VIRMA: variants seen among roughly 807,000 people sequenced by gnomAD.
VIRMA encodes the protein vir like m6A methyltransferase associated, also known as protein virilizer homolog.
Under a neutral mutation model 182.4 loss-of-function variants are expected in VIRMA, and 65 were observed. The ratio of observed to expected loss-of-function variants is 0.36; its 90% CI spans 0.29 to 0.44. The LOEUF is 0.44. Ranked by LOEUF, VIRMA falls within the 20% of genes least tolerant of loss-of-function variation. The pLI is 1.00. For synonymous variants in VIRMA, 709 were observed against 743.1 expected (o/e 0.95, Z 0.75); for missense variants, 1,752 against 2,158.1 (o/e 0.81, Z 3.73).
At chr8:94,507,915 G>GTATATATATA (rs1814223065) in intron 15 of VIRMA, among the ~76,000 whole-genome samples, 2 of 76,400 alleles carry the variant, frequency 2.6e-5, no homozygotes, top group South Asian at 1.4e-3. Flanking sequence ...ATATATGTAT[G>GTATATATATA]TGTATATATG....
chr8:94,513,727 T>C (rs1814454341), intron 11 of VIRMA, among the ~76,000 whole-genome samples: 1 of 152,216 alleles, frequency 6.6e-6, no homozygotes, highest in African/African-American at 2.4e-5. Flanking sequence ...GAACATCTTG[T>C]TAATACTCAC....
At chr8:94,520,206 A>G (rs968781211) in intron 8 of VIRMA, among the ~76,000 whole-genome samples, 2 of 149,818 alleles carry the variant, frequency 1.3e-5, no homozygotes, top group African/African-American at 4.9e-5. Context: ...AAAAAAAAAA[A>G]AGCCTGGGCT....
chr8:94,506,649 A>C lies in VIRMA; in HGVS notation c.3948T>G (p.Ser1316=). 6.2e-7 allele frequency: 1 copy of C among 1,613,972 alleles called. No homozygotes were observed. Among genetic ancestry groups the C allele is most frequent in the South Asian group, 1.1e-5 (1 of 91,084 alleles). The change falls in exon 16 of 24, where the codon TCT becomes TCG. Residue 1316 remains serine, a synonymous_variant. Transcript: ENST00000297591. ...SISELEQLSN[S]LPNKELMTSI... is the part of the protein sequence containing the mutation. ...AGGTCATCAATTCTTTATTTGGTAGAGAATTGGAGAGCTGCTCCAGTTCAG... is the reference window on the plus strand; with the variant it reads ...AGGTCATCAATTCTTTATTTGGTAGCGAATTGGAGAGCTGCTCCAGTTCAG...
intron 1 of VIRMA, among the ~76,000 whole-genome samples, chr8:94,551,662 C>T (rs1815991606): frequency 6.6e-6 from 1 of 152,110 alleles, no homozygotes; most frequent in African/African-American, 2.4e-5. Flanking sequence ...TAATGAAGGC[C>T]AATTTTCCTA....
chr8:94,491,938 A>C, intron 21 of VIRMA, 29 bp from the exon 22 acceptor site: 1 of 1,470,162 alleles, frequency 6.8e-7, no homozygotes, highest in South Asian at 1.5e-5. Flanking sequence ...GCCATAAAAC[A>C]TTTTTCTTTC....
chr8:94,553,468 A>T lies in VIRMA; in HGVS notation c.-21T>A, dbSNP rs773470558. ...GCCATGTTTGCCGCGGGCGGGGAAC[A>T]GGGGGGAGGACTTCCGGGGCAGCGC... is the stretch of plus-strand genomic sequence containing the variant. On this transcript the variant is annotated 5_prime_UTR_variant, in exon 1 of 24. Coordinates refer to ENST00000297591, the MANE Select transcript of VIRMA (RefSeq NM_015496.5). 7 of 1,612,676 alleles carry T rather than the reference A, an allele frequency of 4.3e-6. No individual in the cohort carries two copies. In the Admixed American group the frequency reaches 1.2e-4, roughly 27 times the overall value.
chr8:94,507,620 T>G (rs1814204912), intron 15 of VIRMA, among the ~76,000 whole-genome samples: 1 of 151,784 alleles, frequency 6.6e-6, no homozygotes, highest in Non-Finnish European at 1.5e-5. Flanking sequence ...CCAAGCATGG[T>G]GGCACACACA....
At chr8:94,505,804 T>C (rs551869984) in intron 16 of VIRMA, among the ~76,000 whole-genome samples, 2 of 152,270 alleles carry the variant, frequency 1.3e-5, no homozygotes, top group South Asian at 2.1e-4. Flanking sequence ...TTATATAATT[T>C]CAGATTAATT....
chr8:94,526,761 C>G lies in VIRMA; in HGVS notation c.1483G>C (p.Val495Leu). 6.2e-7 allele frequency: 1 copy of G among 1,613,938 alleles called. No homozygotes were observed. Among genetic ancestry groups the G allele is most frequent in the Non-Finnish European group, 8.5e-7 (1 of 1,180,026 alleles). The change falls in exon 8 of 24, where the codon GTA becomes CTA. Residue 495 changes from valine (V) to leucine (L), a missense_variant. Val to Leu is a conservative substitution (Grantham distance 32). Coordinates refer to ENST00000297591, the MANE Select transcript of VIRMA (RefSeq NM_015496.5). ...GLFELLFADH[V>L]SSSLKLNAFK... ...GCATTTAACTTAAGAGAAGATGATA[C>G]GTGATCAGCAAACAGAAGTTCAAAT...
At chr8:94,544,800 A>T (rs1815705492) in intron 1 of VIRMA, among the ~76,000 whole-genome samples, 1 of 152,092 alleles carries the variant, frequency 6.6e-6, no homozygotes, top group Non-Finnish European at 1.5e-5. Context: ...GAGTTTCTGA[A>T]TTATAGATAA....
Position 94,519,043 on chromosome 8 carries a change from C to T in VIRMA, c.2455G>A (p.Glu819Lys). Residue 819 changes from glutamate (E) to lysine (K), a missense_variant, in exon 9 of 24, where the codon GAG (glutamate) becomes AAG (lysine). Coordinates refer to ENST00000297591, the MANE Select transcript of VIRMA (RefSeq NM_015496.5). ...RSAVGHVFSL[E>K]KNLQSLITLM... ...GTAATAAGACTTTGGAGATTTTTCTCCAGACTAAAAACATGGCCAACAGCT... is the reference window on the plus strand; with the variant it reads ...GTAATAAGACTTTGGAGATTTTTCTTCAGACTAAAAACATGGCCAACAGCT... The T allele has an allele frequency of 1.2e-6, 2 of 1,613,748 alleles. No individual in the cohort carries two copies. Among genetic ancestry groups the T allele is most frequent in the Non-Finnish European group, 1.7e-6 (2 of 1,179,890 alleles).
chr8:94,495,582 A>C (rs1813743997), intron 19 of VIRMA, 149 bp downstream of exon 19: 1 of 454,466 alleles, frequency 2.2e-6, no homozygotes, highest in African/African-American at 2.0e-5. Context: ...AAAACTAAAG[A>C]AGAATACACA....
At chr8:94,510,836 C>G in intron 13 of VIRMA, 184 bp from the exon 14 acceptor site, 1 of 774,790 alleles carries the variant, frequency 1.3e-6, no homozygotes. Context: ...TTATTGTTCT[C>G]AGGTTAGCAG....
chr8:94,488,743 C>T lies in VIRMA; in HGVS notation c.5402G>A (p.Ser1801Asn), dbSNP rs767876266. The T allele has an allele frequency of 1.9e-6, 3 of 1,614,108 alleles. No homozygotes were observed. The highest frequency in any genetic ancestry group is 2.5e-6 in the Non-Finnish European group (3 of 1,180,038). The stretch of plus-strand genomic sequence containing the variant: ...GGAGCGTACATGACGACCTCTACCA[C>T]TGCCTCCACTAACAAACTTTCCTCT... The part of the protein sequence containing the change: ...GSRGKFVSGG[S>N]GRGRHVRSFT... Residue 1801 changes from serine to asparagine, a missense_variant, in exon 24 of 24, where the codon AGT (serine) becomes AAT (asparagine). By Grantham distance (46) the Ser-to-Asn change is conservative. Transcript: ENST00000297591.
chr8:94,507,933 A>G (rs371636483), intron 15 of VIRMA, among the ~76,000 whole-genome samples: 2 of 118,964 alleles, frequency 1.7e-5, no homozygotes, highest in Admixed American at 1.5e-4. Context: ...ATGTATGTAC[A>G]TATGTGTATA....
At position 94,519,081 on chromosome 8, in the gene VIRMA, G is replaced by C. The variant is rs1272095077; in HGVS notation, c.2417C>G (p.Pro806Arg). Reference protein sequence around the residue: ...LHNLYLITFNPVGRSAVGHVF... With the variant: ...LHNLYLITFNRVGRSAVGHVF... ...ATGGCCAACAGCTGATCTTCCCACA[G>C]GATTAAAAGTAATCAAATAAAGATT... The change falls in exon 9 of 24, where the codon CCT becomes CGT. Residue 806 changes from proline (P) to arginine (R), a missense_variant. Pro to Arg is a moderately radical substitution (Grantham distance 103). Coordinates refer to ENST00000297591, the MANE Select transcript of VIRMA (RefSeq NM_015496.5). 2 of 1,613,888 alleles carry C rather than the reference G, an allele frequency of 1.2e-6. No individual in the cohort carries two copies. Among genetic ancestry groups the C allele is most frequent in the Admixed American group, 1.7e-5 (1 of 59,992 alleles).
At chr8:94,550,909 G>A (rs897232092) in intron 1 of VIRMA, among the ~76,000 whole-genome samples, 6 of 151,944 alleles carry the variant, frequency 3.9e-5, no homozygotes, top group Non-Finnish European at 8.8e-5. Flanking sequence ...AGTAGAGACG[G>A]GGTTTCACTG....
intron 5 of VIRMA, among the ~76,000 whole-genome samples, chr8:94,532,533 TACACCA>T (rs1815205628): frequency 1.3e-5 from 2 of 152,236 alleles, no homozygotes; most frequent in African/African-American, 4.8e-5. Context: ...CTCCATAGAT[TACACCA>T]ACACCAATTT....
chr8:94,528,988 A>G, intron 7 of VIRMA, 82 bp downstream of exon 7: 1 of 1,545,634 alleles, frequency 6.5e-7, no homozygotes, highest in Non-Finnish European at 8.7e-7. Flanking sequence ...TATCTTTGCT[A>G]GAAATTCTTT....
Sources: gnomAD v4.1 joint callset for allele counts (sites outside exome capture counted in the v4.1 genomes callset) on GRCh38, gnomAD v4.1.1 for gene constraint, MANE v1.5 for transcripts, NCBI Gene and HGNC (gene_info 2026-07-23, HGNC 2026-07-21) for gene names.